The following ADCY10 variants were observed in gnomAD, a reference collection of about 807,000 sequenced individuals.
The protein encoded by ADCY10 is adenylate cyclase 10.
In ADCY10, 156 loss-of-function variants were observed where a neutral mutation model predicts 183.3. The observed-to-expected ratio is 0.85, with a 90% CI of 0.75 to 0.97. The LOEUF (loss-of-function observed/expected upper bound fraction) is 0.97. Among genes scored for constraint, ADCY10 ranks in the 50% least tolerant of loss-of-function variants. The pLI is 0.00. For synonymous variants in ADCY10, 645 were observed against 670.0 expected, an observed-to-expected ratio of 0.96 and a Z score of 0.58; for missense variants, 1,745 against 1,934.3, an observed-to-expected ratio of 0.90 and a Z score of 1.84.
chr1:167,850,662 CGTGTGTGTGTGT>C (rs35744623), intron 18 of ADCY10, among the ~76,000 whole-genome samples: 21 of 87,922 alleles, frequency 2.4e-4, no homozygotes, highest in East Asian at 3.9e-4. Context: ...AAAAGGGGGC[CGTGTGTGTGTGT>C]GTGTGTGTGT....
At chr1:167,910,426 C>T (rs952294743) in intron 1 of ADCY10, among the ~76,000 whole-genome samples, 1 of 152,150 alleles carries the variant, frequency 6.6e-6, no homozygotes, top group Non-Finnish European at 1.5e-5. Flanking sequence ...TTGTAGTTGT[C>T]TTCAAATATT....
At chr1:167,908,195 T>C (rs1253265266) in intron 1 of ADCY10, among the ~76,000 whole-genome samples, 1 of 152,216 alleles carries the variant, frequency 6.6e-6, no homozygotes, top group African/African-American at 2.4e-5. Flanking sequence ...CATTGGATAA[T>C]GTATACAATG....
intron 26 of ADCY10, among the ~76,000 whole-genome samples, chr1:167,827,956 C>T (rs561662595): frequency 1.8e-4 from 28 of 152,170 alleles, no homozygotes; most frequent in Middle Eastern, 3.4e-3. Context: ...TCACGTGATC[C>T]GCCCACCTCA....
chr1:167,825,605 G>A (rs895385820), intron 26 of ADCY10, among the ~76,000 whole-genome samples: 1 of 152,088 alleles, frequency 6.6e-6, no homozygotes, highest in African/African-American at 2.4e-5. Flanking sequence ...AATATAGTGA[G>A]ACCTGATCTC....
At chr1:167,880,016 G>A in intron 11 of ADCY10, 99 bp downstream of exon 11, 1 of 989,558 alleles carries the variant, frequency 1.0e-6, no homozygotes, top group Non-Finnish European at 1.6e-6. Flanking sequence ...TGAGGGCAGG[G>A]CTCATGTCTC....
chr1:167,835,549 G>A (rs572263054), intron 23 of ADCY10, among the ~76,000 whole-genome samples: 74 of 152,272 alleles, frequency 4.9e-4, no homozygotes, highest in Middle Eastern at 6.8e-3. Context: ...AGCACACATT[G>A]CATGATGACA....
At position 167,871,972 on chromosome 1, in the gene ADCY10, T is replaced by A. The variant is rs1055802332; in HGVS notation, c.1463-1562A>T. 2.0e-5 allele frequency among the ~76,000 whole-genome samples: 3 copies of A among 152,220 alleles called. No homozygotes were observed. The East Asian group carries it at 5.8e-4, about 29-fold the overall frequency. On this transcript the variant is annotated intron_variant, in intron 13 of 32. Coordinates refer to ENST00000367851, the MANE Select transcript of ADCY10 (RefSeq NM_018417.6). ...CCAACATGGCACATGTATACATATG[T>A]AACAAACCTGCACGTTGTGCATTGT...
chr1:167,834,373 T>G (rs1343412955), intron 23 of ADCY10: 3 of 477,824 alleles, frequency 6.3e-6, no homozygotes, highest in Non-Finnish European at 1.2e-5. Context: ...TACCCGAAGT[T>G]TCCCTCAAGC....
In ADCY10 at chr1:167,824,479, C is replaced by A; in HGVS notation, c.4049G>T (p.Ser1350Ile). 1 of 1,613,832 alleles carries A rather than the reference C, an allele frequency of 6.2e-7. No individual in the cohort carries two copies. Among genetic ancestry groups the A allele is most frequent in the Non-Finnish European group, 8.5e-7 (1 of 1,179,748 alleles). The change falls in exon 28 of 33, where the codon AGC becomes ATC. Residue 1350 changes from serine to isoleucine, a missense_variant. Physicochemically the swap from Ser to Ile is moderately radical, Grantham distance 142 (BLOSUM62 -2). Transcript: ENST00000367851. ...CRLSRCLLLN[S>I]RYPQLIQVLG... ...GAAAATGCTTTAAGATAAATACCTG[C>A]TGTTCAGAAGGAGACATCTGCTAAG...
Position 167,905,063 on chromosome 1 carries a change from A to G in ADCY10, c.78T>C (p.Tyr26=). The part of the protein sequence containing the change: ...IAAHLPDLIV[Y]GHFSPERPFM... ...AGGGTCGCTCTGGGGAGAAATGTCC[A>G]TAGACAATGAGGTCTGGTAAATGAG... Residue 26 remains tyrosine, a synonymous_variant, in exon 2 of 33, where the codon TAT becomes TAC. Coordinates refer to ENST00000367851, the MANE Select transcript of ADCY10 (RefSeq NM_018417.6). The G allele has an allele frequency of 6.2e-7, 1 of 1,614,228 alleles. No homozygotes were observed. Among genetic ancestry groups the G allele is most frequent in the Non-Finnish European group, 8.5e-7 (1 of 1,180,042 alleles).
At chr1:167,828,145 C>G (rs1250504655) in intron 26 of ADCY10, among the ~76,000 whole-genome samples, 1 of 152,180 alleles carries the variant, frequency 6.6e-6, no homozygotes, top group Admixed American at 6.5e-5. Context: ...TATCTTACAA[C>G]TATGTTGCAG....
At chr1:167,836,251 G>A (rs1324264050) in intron 23 of ADCY10, 58 bp downstream of exon 23, 6 of 1,177,000 alleles carry the variant, frequency 5.1e-6, no homozygotes, top group Non-Finnish European at 7.6e-6. Context: ...CTTCCTTCTG[G>A]CTCTATGTTC....
intron 16 of ADCY10, among the ~76,000 whole-genome samples, chr1:167,858,315 T>C (rs1666043132): frequency 1.3e-5 from 2 of 151,700 alleles, no homozygotes; most frequent in African/African-American, 4.8e-5. Context: ...CTGGCCAACA[T>C]ACTGAAACCC....
intron 15 of ADCY10, 51 bp downstream of exon 15, chr1:167,860,820 G>C: frequency 1.3e-6 from 2 of 1,484,996 alleles, no homozygotes; most frequent in Non-Finnish European, 1.9e-6. Context: ...GAGAGGAGTT[G>C]CTGTGCCTGC....
chr1:167,810,143 G>GT (rs1424668253), intron 32 of ADCY10, among the ~76,000 whole-genome samples: 1 of 152,216 alleles, frequency 6.6e-6, no homozygotes, highest in East Asian at 1.9e-4. Context: ...GCAGACAGAT[G>GT]TAACACAAAG....
chr1:167,848,406 T>C lies in ADCY10; in HGVS notation c.2392A>G (p.Ser798Gly). The C allele has an allele frequency of 6.2e-7, 1 of 1,613,954 alleles. No homozygotes were observed. Among genetic ancestry groups the C allele is most frequent in the Non-Finnish European group, 8.5e-7 (1 of 1,179,884 alleles). ...GACAGGTTTTTCAGTCTGACACCACTTGTGAGGTGACAGACTTCTTCACTT... is the reference window on the plus strand; with the variant it reads ...GACAGGTTTTTCAGTCTGACACCACCTGTGAGGTGACAGACTTCTTCACTT... ...KESEEVCHLT[S>G]GVRLKNLSPP... Residue 798 changes from serine to glycine, a missense_variant, in exon 19 of 33, where the codon AGT (serine) becomes GGT (glycine). Ser to Gly is a moderately conservative substitution (Grantham distance 56). Transcript: ENST00000367851.
intron 6 of ADCY10, 52 bp downstream of exon 6, chr1:167,899,371 G>A (rs1669229599): frequency 6.4e-7 from 1 of 1,563,682 alleles, no homozygotes; most frequent in Non-Finnish European, 8.8e-7. Context: ...CTGGCAGGGG[G>A]CCTCTGTTAC....
chr1:167,902,726 A>G (rs1053812925), intron 3 of ADCY10, among the ~76,000 whole-genome samples: 2 of 152,242 alleles, frequency 1.3e-5, no homozygotes, highest in African/African-American at 4.8e-5. Context: ...ACACTAGGCC[A>G]GGAGTTCACC....
intron 8 of ADCY10, among the ~76,000 whole-genome samples, 168 bp downstream of exon 8, chr1:167,893,685 G>A (rs1668751123): frequency 1.9e-5 from 2 of 106,010 alleles, no homozygotes; most frequent in Admixed American, 2.7e-4. Flanking sequence ...GACAGAGTGA[G>A]ACTCTGTCTC....
Sources: allele counts gnomAD v4.1 joint callset (sites outside exome capture counted in the v4.1 genomes callset), GRCh38; gene constraint gnomAD v4.1.1; transcripts MANE v1.5; gene names NCBI Gene and HGNC (gene_info 2026-07-23, HGNC 2026-07-21).